The following N4BP2 variants were observed in gnomAD, a reference collection of about 807,000 sequenced individuals.
The protein encoded by N4BP2 is NEDD4-binding protein 2.
N4BP2 carries 91 observed loss-of-function variants against 152.8 expected under a neutral mutation model. The ratio of observed to expected loss-of-function variants is 0.60; its 90% CI spans 0.50 to 0.71. N4BP2 has a LOEUF of 0.71. N4BP2 is among the 30% of genes least tolerant of loss of function. The pLI is 0.00. For missense variants in N4BP2, 1,923 were observed against 2,059.1 expected (o/e 0.93, Z 1.28); for synonymous variants, 646 against 705.3 (o/e 0.92, Z 1.33).
chr4:40,130,963 G>C (rs1718853056), intron 12 of N4BP2, among the ~76,000 whole-genome samples: 1 of 151,960 alleles, frequency 6.6e-6, no homozygotes, highest in African/African-American at 2.4e-5. Context: ...GTTTAGAGCA[G>C]ATCCAAATAT....
rs774919355 is a variant in N4BP2, at chr4:40,103,157, G to T, written c.1312G>T (p.Val438Phe). The change falls in exon 4 of 18, where the codon GTT becomes TTT. Residue 438 changes from valine (V) to phenylalanine (F), a missense_variant. Transcript: ENST00000261435. Reference protein sequence around the residue: ...SQVVRKKTSYVGLVLVLLRGL... With the variant: ...SQVVRKKTSYFGLVLVLLRGL... ...GGTTGTAAGAAAGAAGACATCTTAC[G>T]TTGGACTAGTTCTTGTTCTTCTCAG... 1.4e-5 allele frequency: 22 copies of T among 1,614,112 alleles called. No homozygotes were observed. The highest frequency in any genetic ancestry group is 1.9e-5 in the Non-Finnish European group (22 of 1,179,990).
chr4:40,178,471 A>G, the N4BP2 span, among the ~76,000 whole-genome samples: 1 of 152,190 alleles, frequency 6.6e-6, no homozygotes, highest in African/African-American at 2.4e-5. Flanking sequence ...GGCACAAGAA[A>G]GGTACTCACA....
chr4:40,069,856 A>G (rs1711967778), intron 1 of N4BP2, among the ~76,000 whole-genome samples: 1 of 152,176 alleles, frequency 6.6e-6, no homozygotes, highest in Middle Eastern at 3.2e-3. Context: ...CCAGGAGTTC[A>G]AAGCTGTAGT....
At chr4:40,117,010 CTT>C (rs1449432358) in intron 7 of N4BP2, among the ~76,000 whole-genome samples, 4 of 152,196 alleles carry the variant, frequency 2.6e-5, no homozygotes, top group African/African-American at 4.8e-5. Flanking sequence ...AATATCATCT[CTT>C]TGTCTTTGGT....
intron 2 of N4BP2, among the ~76,000 whole-genome samples, chr4:40,095,172 C>T (rs921079898): frequency 6.6e-6 from 1 of 152,136 alleles, no homozygotes; most frequent in East Asian, 1.9e-4. Context: ...CAACCTCTGC[C>T]TCCCAGGTTC....
At chr4:40,175,807 G>GAAAAAAAAA in the N4BP2 span, among the ~76,000 whole-genome samples, 2 of 64,008 alleles carry the variant, frequency 3.1e-5, no homozygotes, top group Non-Finnish European at 3.4e-5. Flanking sequence ...CTCGTCTCAA[G>GAAAAAAAAA]AAAAAAAAAA....
intron 5 of N4BP2, among the ~76,000 whole-genome samples, chr4:40,108,621 T>A (rs1716557505): frequency 1.3e-5 from 2 of 151,886 alleles, no homozygotes; most frequent in African/African-American, 4.8e-5. Context: ...GCAATTGGTT[T>A]ACTTTTTATG....
At position 40,102,480 on chromosome 4, in the gene N4BP2, T is replaced by TAAACCCATTACATTCACATTC; in HGVS notation, c.646_647insATTCACATTCAAACCCATTAC (p.Leu215_Pro216insHisSerHisSerAsnProLeu). On this transcript the variant is annotated inframe_insertion, in exon 4 of 18. Transcript: ENST00000261435. The stretch of plus-strand genomic sequence containing the variant: ...GAGAATTCTGGTTCTACTTTAAGTT[T>TAAACCCATTACATTCACATTC]AAACCCATTACCTTCACATTCAGTT... The TAAACCCATTACATTCACATTC allele has an allele frequency of 6.2e-7, 1 of 1,614,164 alleles. No individual in the cohort carries two copies. The highest frequency in any genetic ancestry group is 1.1e-5 in the South Asian group (1 of 91,082).
Position 40,142,862 on chromosome 4 carries a change from G to A in N4BP2, c.4974+1G>A. The A allele has an allele frequency of 6.2e-7, 1 of 1,612,562 alleles. No homozygotes were observed. The highest frequency in any genetic ancestry group is 8.5e-7 in the Non-Finnish European group (1 of 1,179,434). Reference sequence around the variant, plus strand: ...TGTCGCCACCTTTTATGCCCAGCAGGTAAAGTGGAAAACTGATTATATATT... The same window carrying A: ...TGTCGCCACCTTTTATGCCCAGCAGATAAAGTGGAAAACTGATTATATATT... On this transcript the variant is annotated splice_donor_variant, in intron 15 of 17. Transcript: ENST00000261435. LOFTEE classifies it high-confidence loss of function.
At chr4:40,067,855 GT>G (rs1711703001) in intron 1 of N4BP2, among the ~76,000 whole-genome samples, 1 of 151,864 alleles carries the variant, frequency 6.6e-6, no homozygotes, top group Admixed American at 6.6e-5. Context: ...AATTCTTGTA[GT>G]TTTAGTAGAG....
Position 40,155,958 on chromosome 4 carries a change from T to G in N4BP2, c.*1721T>G, listed in dbSNP as rs1721568410. The G allele has an allele frequency of 6.6e-6, 1 of 152,218 alleles. No individual in the cohort carries two copies. The highest frequency in any genetic ancestry group is 2.1e-4 in the South Asian group (1 of 4,834). The allele number at this position is 152,218 out of a possible 1,614,324, so 9.4% of individuals were successfully genotyped here. The stretch of plus-strand genomic sequence containing the variant: ...CTGGTATTGAAGTATTATTCACACT[T>G]ATGTTTGTAATAATTTATTTAAAGA... On this transcript the variant is annotated 3_prime_UTR_variant, in exon 18 of 18. Coordinates refer to ENST00000261435, the MANE Select transcript of N4BP2 (RefSeq NM_018177.6).
chr4:40,124,712 C>A (rs1718237301), intron 11 of N4BP2, among the ~76,000 whole-genome samples: 1 of 152,010 alleles, frequency 6.6e-6, no homozygotes, highest in Admixed American at 6.6e-5. Context: ...GGGGAAAAAG[C>A]CCCTATAATG....
rs1282911891 is a variant in N4BP2, at chr4:40,120,644, C to T, written c.2533C>T (p.His845Tyr). ...TDCVQQRGSP[H>Y]ESVEDGRKSQ... ...TTGTGTCCAGCAACGAGGATCTCCACATGAAAGTGTAGAGGATGGCAGAAA... is the reference window on the plus strand; with the variant it reads ...TTGTGTCCAGCAACGAGGATCTCCATATGAAAGTGTAGAGGATGGCAGAAA... Residue 845 changes from histidine to tyrosine, a missense_variant, in exon 9 of 18, where the codon CAT (histidine) becomes TAT (tyrosine). Physicochemically the swap from His to Tyr is moderately conservative, Grantham distance 83 (BLOSUM62 2). Coordinates refer to ENST00000261435, the MANE Select transcript of N4BP2 (RefSeq NM_018177.6). 6.2e-7 allele frequency: 1 copy of T among 1,614,156 alleles called. No homozygotes were observed. The highest frequency in any genetic ancestry group is 8.5e-7 in the Non-Finnish European group (1 of 1,180,000).
At position 40,151,660 on chromosome 4, in the gene N4BP2, C is replaced by T. The variant is rs78270713; in HGVS notation, c.5144-1120C>T. 5.9e-3 allele frequency among the ~76,000 whole-genome samples: 895 copies of T among 152,234 alleles called. 9 individuals are homozygous for T. The highest frequency in any genetic ancestry group is 0.02 in the African/African-American group (851 of 41,542). On this transcript the variant is annotated intron_variant, in intron 16 of 17. Transcript: ENST00000261435. ...TAGTGCAAAAACTTTGTAAAAAGTT[C>T]GTAAAAAGGTTTTACACTATATACC... is the stretch of plus-strand genomic sequence containing the variant.
At chr4:40,146,271 C>T (rs569744950) in intron 16 of N4BP2, among the ~76,000 whole-genome samples, 3 of 152,038 alleles carry the variant, frequency 2.0e-5, no homozygotes, top group Non-Finnish European at 2.9e-5. Context: ...CTTACCTCTC[C>T]AGTCTCACCC....
intron 11 of N4BP2, among the ~76,000 whole-genome samples, chr4:40,124,795 T>C (rs1274459379): frequency 6.6e-6 from 1 of 152,222 alleles, no homozygotes; most frequent in Non-Finnish European, 1.5e-5. Flanking sequence ...GAGGTTTTGC[T>C]CTGCATGAAA....
In N4BP2 at chr4:40,121,317, G is replaced by A. The variant is rs763425200; in HGVS notation, c.3206G>A (p.Arg1069Lys). 2.5e-6 allele frequency: 4 copies of A among 1,613,848 alleles called. No homozygotes were observed. The highest frequency in any genetic ancestry group is 1.3e-5 in the African/African-American group (1 of 74,922). ...GACGTTCAAGAAGCAATTCCATATAGAGTAATGTATGATAAAAGCACGTTT... is the reference window on the plus strand; with the variant it reads ...GACGTTCAAGAAGCAATTCCATATAAAGTAATGTATGATAAAAGCACGTTT... ...KSDVQEAIPY[R>K]VMYDKSTFVE... The change falls in exon 9 of 18, where the codon AGA becomes AAA. Residue 1069 changes from arginine to lysine, a missense_variant. Arg to Lys is a conservative substitution (Grantham distance 26, BLOSUM62 2). Transcript: ENST00000261435.
intron 2 of N4BP2, among the ~76,000 whole-genome samples, chr4:40,088,817 C>T (rs1380713564): frequency 1.3e-5 from 2 of 152,032 alleles, no homozygotes; most frequent in East Asian, 3.9e-4. Flanking sequence ...AGTTTTAATT[C>T]GCACTTACTT....
At chr4:40,103,979 G>T (rs1031146738) in intron 4 of N4BP2, among the ~76,000 whole-genome samples, 3 of 151,812 alleles carry the variant, frequency 2.0e-5, no homozygotes, top group East Asian at 3.9e-4. Flanking sequence ...TTTTGAGACG[G>T]AGTCTTGCTC....
Sources: allele counts gnomAD v4.1 joint callset (sites outside exome capture counted in the v4.1 genomes callset), GRCh38; gene constraint gnomAD v4.1.1; transcripts MANE v1.5; gene names NCBI Gene and HGNC (gene_info 2026-07-23, HGNC 2026-07-21).